The following VWC2 variants were observed in gnomAD, a reference collection of about 807,000 sequenced individuals.
VWC2 encodes the protein von Willebrand factor C domain containing 2.
In VWC2, 14 loss-of-function variants were observed where a neutral mutation model predicts 29.8. That is an observed-to-expected ratio of 0.47 (90% CI 0.31 to 0.74). The LOEUF (loss-of-function observed/expected upper bound fraction) is 0.74. VWC2 is among the 30% of genes least tolerant of loss of function. The pLI, the probability that VWC2 is intolerant of heterozygous loss-of-function variation, is 0.05. For missense variants in VWC2, 457 were observed against 459.8 expected (o/e 0.99, Z 0.05); for synonymous variants, 213 against 199.0 (o/e 1.07, Z -0.59).
At chr7:49,859,702 G>A (rs1790569223) in intron 3 of VWC2, among the ~76,000 whole-genome samples, 1 of 152,220 alleles carries the variant, frequency 6.6e-6, no homozygotes, top group Non-Finnish European at 1.5e-5. Context: ...CGGTGGGCAA[G>A]TCAGTTTTCC....
chr7:49,823,332 C>T (rs781675158), intron 3 of VWC2, among the ~76,000 whole-genome samples: 3 of 152,112 alleles, frequency 2.0e-5, no homozygotes, highest in Non-Finnish European at 2.9e-5. Context: ...TATACAACCA[C>T]GAAATGTACT....
intron 3 of VWC2, among the ~76,000 whole-genome samples, chr7:49,820,668 A>C (rs1789243439): frequency 6.6e-6 from 1 of 152,228 alleles, no homozygotes; most frequent in Non-Finnish European, 1.5e-5. Flanking sequence ...GAATGTAAAT[A>C]TGGTCATTGC....
At chr7:49,874,579 T>C (rs750576800) in intron 3 of VWC2, among the ~76,000 whole-genome samples, 3 of 152,206 alleles carry the variant, frequency 2.0e-5, no homozygotes, top group Non-Finnish European at 4.4e-5. Flanking sequence ...TGTATGTATA[T>C]ATATACATGG....
chr7:49,824,077 T>A (rs1435962522), intron 3 of VWC2, among the ~76,000 whole-genome samples: 1 of 152,156 alleles, frequency 6.6e-6, no homozygotes, highest in Non-Finnish European at 1.5e-5. Flanking sequence ...TTTAATGATA[T>A]CTTTTAAGAA....
intron 2 of VWC2, among the ~76,000 whole-genome samples, chr7:49,780,462 GT>G (rs1364092069): frequency 6.6e-6 from 1 of 152,160 alleles, no homozygotes; most frequent in Non-Finnish European, 1.5e-5. Flanking sequence ...AAAACAAGTT[GT>G]TTTCATCATG....
At chr7:49,846,985 A>C (rs2128715074) in intron 3 of VWC2, among the ~76,000 whole-genome samples, 2 of 152,308 alleles carry the variant, frequency 1.3e-5, no homozygotes, top group South Asian at 4.1e-4. Flanking sequence ...TGAGGCTGTA[A>C]ATTTCCTACC....
chr7:49,818,471 G>T (rs1421064600), intron 3 of VWC2, among the ~76,000 whole-genome samples: 1 of 152,066 alleles, frequency 6.6e-6, no homozygotes, highest in Non-Finnish European at 1.5e-5. Flanking sequence ...ATGCCAGTCT[G>T]ATGTTTTAAG....
At chr7:49,803,573 G>T (rs1453002043) in intron 3 of VWC2, among the ~76,000 whole-genome samples, 1 of 152,230 alleles carries the variant, frequency 6.6e-6, no homozygotes, top group African/African-American at 2.4e-5. Flanking sequence ...GATCTGAGTG[G>T]CCTCGCTGAC....
chr7:49,780,161 A>G (rs1040841245), intron 2 of VWC2, among the ~76,000 whole-genome samples: 3 of 152,228 alleles, frequency 2.0e-5, no homozygotes, highest in African/African-American at 4.8e-5. Flanking sequence ...GCTTATGACG[A>G]AGGCACGGAG....
chr7:49,884,767 G>A (rs748290988), intron 3 of VWC2, among the ~76,000 whole-genome samples: 1 of 151,444 alleles, frequency 6.6e-6, no homozygotes, highest in Non-Finnish European at 1.5e-5. Flanking sequence ...ACTCATAAAC[G>A]GGGAAAAAAA....
chr7:49,779,518 G>A (rs955018329), intron 2 of VWC2, among the ~76,000 whole-genome samples: 3 of 151,560 alleles, frequency 2.0e-5, no homozygotes, highest in African/African-American at 7.3e-5. Context: ...GATACCAAGT[G>A]TCTTTTTTTC....
At chr7:49,879,774 G>C (rs1791592781) in intron 3 of VWC2, among the ~76,000 whole-genome samples, 1 of 151,736 alleles carries the variant, frequency 6.6e-6, no homozygotes, top group South Asian at 2.1e-4. Context: ...TGCTATCTTG[G>C]CTAATTTTAT....
chr7:49,826,048 T>G (rs981599186), intron 3 of VWC2, among the ~76,000 whole-genome samples: 9 of 152,162 alleles, frequency 5.9e-5, no homozygotes, highest in African/African-American at 1.9e-4. Flanking sequence ...AAAGAAAGGG[T>G]TGACAAAAAC....
chr7:49,892,037 T>G (rs1792156878), intron 3 of VWC2, among the ~76,000 whole-genome samples: 1 of 118,498 alleles, frequency 8.4e-6, no homozygotes, highest in African/African-American at 3.2e-5. Context: ...GTAGATTTTT[T>G]TTTTTTTTTT....
intron 3 of VWC2, among the ~76,000 whole-genome samples, chr7:49,871,851 G>A (rs1172304548): frequency 6.8e-6 from 1 of 146,550 alleles, no homozygotes; most frequent in African/African-American, 2.5e-5. Context: ...GTACATGTAT[G>A]CATATACATA....
intron 3 of VWC2, among the ~76,000 whole-genome samples, chr7:49,847,889 A>G (rs1790009935): frequency 6.6e-6 from 1 of 152,066 alleles, no homozygotes; most frequent in Admixed American, 6.5e-5. Context: ...TCAACAAGAA[A>G]AGTGCACTCA....
intron 3 of VWC2, among the ~76,000 whole-genome samples, chr7:49,872,141 T>C (rs774532217): frequency 3.3e-5 from 5 of 152,098 alleles, no homozygotes; most frequent in South Asian, 2.1e-4. Context: ...CAATTAAAAA[T>C]ATCCCAGTGA....
chr7:49,824,454 A>G (rs1024235856), intron 3 of VWC2, among the ~76,000 whole-genome samples: 1 of 152,212 alleles, frequency 6.6e-6, no homozygotes, highest in Non-Finnish European at 1.5e-5. Flanking sequence ...CCTTATGCCA[A>G]TGTCAGACTC....
At chr7:49,896,112 G>T (rs1397867675) in intron 3 of VWC2, among the ~76,000 whole-genome samples, 1 of 152,188 alleles carries the variant, frequency 6.6e-6, no homozygotes, top group Non-Finnish European at 1.5e-5. Context: ...AGGCCAAAGT[G>T]GGTGGATCAC....
Sources: allele counts gnomAD v4.1 joint callset (sites outside exome capture counted in the v4.1 genomes callset), GRCh38; gene constraint gnomAD v4.1.1; transcripts MANE v1.5; gene names NCBI Gene and HGNC (gene_info 2026-07-23, HGNC 2026-07-21).